Variants in ZC3H3 observed in about 807,000 individuals in gnomAD.
ZC3H3 encodes the protein zinc finger CCCH-type containing 3.
Under a neutral mutation model 77.3 loss-of-function variants are expected in ZC3H3, and 36 were observed. The observed-to-expected ratio is 0.47, with a 90% CI of 0.36 to 0.61. The LOEUF (loss-of-function observed/expected upper bound fraction) is 0.61. Among genes scored for constraint, ZC3H3 ranks in the 20% least tolerant of loss-of-function variants. The probability of loss-of-function intolerance (pLI) is 0.00; values close to 1 mark genes in which losing one functional copy is unlikely to be tolerated. For missense variants in ZC3H3, 1,331 were observed against 1,312.2 expected, an observed-to-expected ratio of 1.01 and a Z score of -0.22; for synonymous variants, 626 against 555.2, an observed-to-expected ratio of 1.13 and a Z score of -1.79.
At chr8:143,465,095 C>A (rs1337481675) in intron 9 of ZC3H3, among the ~76,000 whole-genome samples, 2 of 152,086 alleles carry the variant, frequency 1.3e-5, no homozygotes, top group African/African-American at 4.8e-5. Context: ...CTCTGCAACA[C>A]AGGAGTCAGT....
rs1820226396 is a variant in ZC3H3 at position 143,460,267 on chromosome 8, A to AATAC, written c.2307+5449_2307+5450insGTAT. 1.3e-5 allele frequency among the ~76,000 whole-genome samples: 2 copies of AATAC among 151,154 alleles called. No homozygotes were observed. The highest frequency in any genetic ancestry group is 4.2e-4 in the South Asian group (2 of 4,816). On this transcript the variant is annotated intron_variant, in intron 9 of 11. Transcript: ENST00000262577. This position sits in a 1 kb window ranked among gnomAD's most constrained non-coding sequence, Gnocchi z 4.0. ...TGTCTCAAAAATAAATAAATAAATA[A>AATAC]ATAAATAAATAAATAAATAAATAAA...
chr8:143,448,368 T>C (rs1323189130), intron 9 of ZC3H3, among the ~76,000 whole-genome samples: 1 of 151,216 alleles, frequency 6.6e-6, no homozygotes, highest in Non-Finnish European at 1.5e-5. Context: ...TCAAAACAAG[T>C]TAGTGACTTC....
intron 9 of ZC3H3, among the ~76,000 whole-genome samples, chr8:143,458,861 C>A (rs1241175397): frequency 6.6e-6 from 1 of 150,834 alleles, no homozygotes; most frequent in African/African-American, 2.4e-5. Context: ...TGGCTCATGC[C>A]TGTAACCCCA....
At position 143,486,312 on chromosome 8, in the gene ZC3H3, AC is replaced by A. The variant is rs1821051836; in HGVS notation, c.1716-10728del. On this transcript the variant is annotated intron_variant, in intron 4 of 11. Transcript: ENST00000262577. ...ATGGAATGCTCTGCAGTGGGCGGCT[AC>A]GACAACAGAAACACACTTTCTCACA... Among the ~76,000 whole-genome samples, 3 of 152,256 alleles carry A rather than the reference AC, an allele frequency of 2.0e-5. No individual in the cohort carries two copies. In the South Asian group the frequency reaches 6.2e-4, roughly 32 times the overall value.
chr8:143,499,170 G>T (rs1821450469), intron 4 of ZC3H3, among the ~76,000 whole-genome samples: 1 of 152,146 alleles, frequency 6.6e-6, no homozygotes, highest in Admixed American at 6.5e-5. Context: ...GGAAGCCTGG[G>T]AGCAGAGGGA....
chr8:143,517,926 G>A lies in ZC3H3; in HGVS notation c.1562-10027C>T, dbSNP rs561327089. On this transcript the variant is annotated intron_variant, in intron 3 of 11. Transcript: ENST00000262577. ...GCGGAAGAGCAGCCCCCAGAGGACA[G>A]ACCTGCTCGGGGCCAGGACAGCAGC... Among the ~76,000 whole-genome samples the A allele has an allele frequency of 5.9e-5, 9 of 152,342 alleles. 1 individual carries two copies. In the South Asian group the frequency reaches 1.9e-3, roughly 32 times the overall value.
At position 143,440,123 on chromosome 8, in the gene ZC3H3, G is replaced by A; in HGVS notation, c.2733C>T (p.Ser911=). 6.2e-7 allele frequency: 1 copy of A among 1,611,080 alleles called. No individual in the cohort carries two copies. The highest frequency in any genetic ancestry group is 1.1e-5 in the South Asian group (1 of 90,602). The change falls in exon 11 of 12, where the codon TCC becomes TCT. Residue 911 remains serine, a synonymous_variant. Coordinates refer to ENST00000262577, the MANE Select transcript of ZC3H3 (RefSeq NM_015117.3). ...TCGGCGAGGACTGCAGGGAGATGAA[G>A]GAAGGCAGCTTGCAGAGCCTGTTGG... ...ACSNRLCKLP[S]FISLQSSPSP... is the part of the protein sequence containing the mutation.
In ZC3H3 at chr8:143,440,991, G is replaced by A; in HGVS notation, c.2437C>T (p.Pro813Ser). Reference protein sequence around the residue: ...HSRRAATSPAPGPSDATARSR... With the variant: ...HSRRAATSPASGPSDATARSR... ...CTGGCGGTTGCGTCGCTGGGCCCTG[G>A]GGCGGGGGACGTGGCTGCCCGCCGA... The change falls in exon 10 of 12, where the codon CCA becomes TCA. Residue 813 changes from proline to serine, a missense_variant. Physicochemically the swap from Pro to Ser is moderately conservative, Grantham distance 74 (BLOSUM62 -1). This residue lies in a region of ZC3H3 where 249 missense variants were observed against 236.9 expected (regional missense o/e 1.05). Transcript: ENST00000262577. 1.4e-6 allele frequency: 2 copies of A among 1,468,424 alleles called. No individual in the cohort carries two copies. The highest frequency in any genetic ancestry group is 1.4e-5 in the South Asian group (1 of 69,644). The allele number at this position is 1,468,424 out of a possible 1,614,324, so 91.0% of individuals were successfully genotyped here.
Position 143,494,079 on chromosome 8 carries a change from G to A in ZC3H3, c.1715+13667C>T, listed in dbSNP as rs527896842. 1.1e-4 allele frequency among the ~76,000 whole-genome samples: 16 copies of A among 152,324 alleles called. No individual in the cohort carries two copies. The highest frequency in any genetic ancestry group is 3.9e-4 in the Admixed American group (6 of 15,310). On this transcript the variant is annotated intron_variant, in intron 4 of 11. Coordinates refer to ENST00000262577, the MANE Select transcript of ZC3H3 (RefSeq NM_015117.3). The surrounding 1 kb of genome is among the most constrained non-coding windows in gnomAD (Gnocchi z 5.3). ...TCCTGCCTCAGCAGCACGTGGGGAAGCCTGGGGAGTGGGAGGGGAAGGGGA... is the reference window on the plus strand; with the variant it reads ...TCCTGCCTCAGCAGCACGTGGGGAAACCTGGGGAGTGGGAGGGGAAGGGGA...
intron 4 of ZC3H3, among the ~76,000 whole-genome samples, chr8:143,506,192 C>T (rs188847898): frequency 9.2e-5 from 14 of 152,352 alleles, no homozygotes; most frequent in African/African-American, 3.1e-4. Flanking sequence ...TCTTGGCCTT[C>T]AGAATCCAGA....
chr8:143,513,112 A>C (rs1821925241), intron 3 of ZC3H3, among the ~76,000 whole-genome samples: 1 of 152,096 alleles, frequency 6.6e-6, no homozygotes, highest in South Asian at 2.1e-4. Flanking sequence ...AGTCAGGGCC[A>C]GACCCGCCCT....
intron 11 of ZC3H3, among the ~76,000 whole-genome samples, chr8:143,439,723 G>A (rs1260051367): frequency 3.9e-5 from 6 of 152,236 alleles, no homozygotes; most frequent in South Asian, 2.1e-4. Context: ...CACCCCTGGC[G>A]CCCGTGGGAC....
intron 3 of ZC3H3, among the ~76,000 whole-genome samples, chr8:143,529,427 G>A (rs1441997768): frequency 6.6e-6 from 1 of 152,210 alleles, no homozygotes; most frequent in African/African-American, 2.4e-5. Context: ...CCCTCTCCAA[G>A]GCACCGGGAG....
chr8:143,523,456 GC>G (rs1822315644), intron 3 of ZC3H3: 1 of 985,314 alleles, frequency 1.0e-6, no homozygotes, highest in Non-Finnish European at 1.2e-6. Context: ...GGTGTTTGCA[GC>G]CATCTTGGAA....
intron 3 of ZC3H3, among the ~76,000 whole-genome samples, chr8:143,520,460 C>A (rs1822206286): frequency 6.6e-6 from 1 of 152,224 alleles, no homozygotes; most frequent in Non-Finnish European, 1.5e-5. Context: ...AGCCCTGGTG[C>A]TGCTTCGTCC....
intron 9 of ZC3H3, among the ~76,000 whole-genome samples, chr8:143,446,214 A>G (rs1045750324): frequency 2.0e-5 from 3 of 152,206 alleles, no homozygotes; most frequent in Non-Finnish European, 2.9e-5. Flanking sequence ...AAAGGTAAAC[A>G]CAACAAAATA....
At chr8:143,532,699 G>A (rs1407825392) in intron 3 of ZC3H3, among the ~76,000 whole-genome samples, 2 of 152,254 alleles carry the variant, frequency 1.3e-5, no homozygotes, top group African/African-American at 2.4e-5. Flanking sequence ...GAAGCCCACT[G>A]GCCAAGGCAG....
chr8:143,484,929 CT>C (rs1165642408), intron 4 of ZC3H3: 2 of 451,652 alleles, frequency 4.4e-6, no homozygotes, highest in African/African-American at 4.0e-5. Context: ...TCATGCGGCC[CT>C]TGCAAGGACA....
At chr8:143,513,042 G>T (rs2130437994) in intron 3 of ZC3H3, among the ~76,000 whole-genome samples, 1 of 151,856 alleles carries the variant, frequency 6.6e-6, no homozygotes, top group Non-Finnish European at 1.5e-5. Context: ...GGCAGGGGGT[G>T]CCCAGGCGCT....
Sources: gnomAD v4.1 joint callset for allele counts (sites outside exome capture counted in the v4.1 genomes callset) on GRCh38, gnomAD v4.1.1 for gene constraint, gnomAD v4.1.1 regional missense constraint, Gnocchi (gnomAD v3.1) non-coding constraint, MANE v1.5 for transcripts, NCBI Gene and HGNC (gene_info 2026-07-23, HGNC 2026-07-21) for gene names.